EYS: variants seen among roughly 807,000 people sequenced by gnomAD.
EYS encodes the protein EGF-like photoreceptor maintenance factor.
EYS carries 250 observed loss-of-function variants against 282.1 expected under a neutral mutation model. The ratio of observed to expected loss-of-function variants is 0.89; its 90% CI spans 0.80 to 0.98. EYS has a LOEUF of 0.98. Ranked by LOEUF, EYS falls within the 50% of genes least tolerant of loss-of-function variation. The probability of loss-of-function intolerance (pLI) is 0.00; values close to 1 mark genes in which losing one functional copy is unlikely to be tolerated. For synonymous variants in EYS, 1,355 were observed against 1,282.9 expected (o/e 1.06, Z -1.20); for missense variants, 4,016 against 3,709.0 (o/e 1.08, Z -2.15).
At chr6:64,392,999 C>T (rs1773211583) in intron 28 of EYS, among the ~76,000 whole-genome samples, 1 of 152,186 alleles carries the variant, frequency 6.6e-6, no homozygotes, top group African/African-American at 2.4e-5. Flanking sequence ...ACTACAAACA[C>T]CTCTACGCAA....
chr6:64,953,724 G>C (rs1769592340), intron 14 of EYS, among the ~76,000 whole-genome samples: 1 of 151,648 alleles, frequency 6.6e-6, no homozygotes, highest in Non-Finnish European at 1.5e-5. Context: ...TCTATAAAAA[G>C]TTACAAACAC....
At chr6:63,890,335 C>G (rs192729483) in intron 35 of EYS, among the ~76,000 whole-genome samples, 1 of 152,054 alleles carries the variant, frequency 6.6e-6, no homozygotes, top group Admixed American at 6.6e-5. Flanking sequence ...TAAAATTGAC[C>G]ACATAATTGG....
chr6:64,789,900 T>C (rs1311102152), intron 22 of EYS, among the ~76,000 whole-genome samples: 4 of 150,566 alleles, frequency 2.7e-5, no homozygotes. Context: ...TATATATATA[T>C]ATAAATGTCA....
chr6:64,807,985 C>T (rs896886912), intron 22 of EYS, among the ~76,000 whole-genome samples: 6 of 107,830 alleles, frequency 5.6e-5, no homozygotes, highest in Non-Finnish European at 1.3e-4. Flanking sequence ...CTTCTCCCTC[C>T]GTCCTTCCCT....
At chr6:64,794,152 A>G (rs13193208) in intron 22 of EYS, among the ~76,000 whole-genome samples, 1 of 152,176 alleles carries the variant, frequency 6.6e-6, no homozygotes, top group African/African-American at 2.4e-5. Context: ...AAGTTCATCC[A>G]TCTTGTAACA....
chr6:63,727,925 TAAA>T (rs762998819), intron 41 of EYS, among the ~76,000 whole-genome samples: 1 of 135,918 alleles, frequency 7.4e-6, no homozygotes, highest in Non-Finnish European at 1.6e-5. Flanking sequence ...GACCCTGTCG[TAAA>T]AAAAAAAAAT....
intron 1 of EYS, among the ~76,000 whole-genome samples, chr6:65,657,655 T>C (rs1767872735): frequency 1.3e-5 from 2 of 152,002 alleles, no homozygotes; most frequent in South Asian, 2.1e-4. Context: ...ATGTAATCTA[T>C]TCCTGGTGAA....
chr6:64,808,055 C>A (rs1196173394), intron 22 of EYS, among the ~76,000 whole-genome samples: 1 of 150,560 alleles, frequency 6.6e-6, no homozygotes, highest in African/African-American at 2.4e-5. Context: ...TTCCCTTCTT[C>A]CCTTCTTCCC....
intron 12 of EYS, among the ~76,000 whole-genome samples, chr6:65,229,452 G>A (rs1046749004): frequency 1.3e-5 from 2 of 151,758 alleles, no homozygotes; most frequent in African/African-American, 2.4e-5. Flanking sequence ...AAAGCTCTTA[G>A]GACCAAATTG....
At position 65,384,456 on chromosome 6, in the gene EYS, T is replaced by C; in HGVS notation, c.1229A>G (p.Asp410Gly). The C allele has an allele frequency of 6.2e-7, 1 of 1,608,904 alleles. No homozygotes were observed. Among genetic ancestry groups the C allele is most frequent in the Non-Finnish European group, 8.5e-7 (1 of 1,177,034 alleles). ...GTTGATGCTGAGCAGTTTACAGTGGTCAATTGCTTTCTCACAGTTTTTTTC... is the reference window on the plus strand; with the variant it reads ...GTTGATGCTGAGCAGTTTACAGTGGCCAATTGCTTTCTCACAGTTTTTTTC... ...FTEKNCEKAI[D>G]HCKLLSINCL... Residue 410 changes from aspartate to glycine, a missense_variant, in exon 8 of 43, where the codon GAC becomes GGC. Asp to Gly is a moderately conservative substitution (Grantham distance 94, BLOSUM62 -1). Transcript: ENST00000503581.
intron 37 of EYS, among the ~76,000 whole-genome samples, chr6:63,795,892 C>T (rs116253322): frequency 6.6e-5 from 10 of 151,950 alleles, no homozygotes; most frequent in Admixed American, 1.3e-4. Context: ...CAGAACTGTG[C>T]GGCAACCCTG....
At chr6:64,185,866 A>C (rs562022944) in intron 31 of EYS, among the ~76,000 whole-genome samples, 1 of 152,114 alleles carries the variant, frequency 6.6e-6, no homozygotes, top group Non-Finnish European at 1.5e-5. Context: ...AATCCTTACT[A>C]TATGTGGAAA....
At chr6:64,063,499 A>T (rs935549464) in intron 33 of EYS, among the ~76,000 whole-genome samples, 3 of 152,160 alleles carry the variant, frequency 2.0e-5, no homozygotes, top group African/African-American at 7.2e-5. Context: ...ATGTCACTTT[A>T]GTCCAAGCCA....
intron 36 of EYS, among the ~76,000 whole-genome samples, chr6:63,830,822 T>C (rs933459336): frequency 2.6e-5 from 4 of 152,200 alleles, no homozygotes; most frequent in Non-Finnish European, 5.9e-5. Context: ...GAGAGAAAGG[T>C]CAGGTTACCC....
intron 12 of EYS, among the ~76,000 whole-genome samples, chr6:65,104,835 CT>C (rs542528964): frequency 0.01 from 1,544 of 151,626 alleles, 29 homozygotes; most frequent in African/African-American, 0.036. Context: ...GAATGATACA[CT>C]TTTATCATTG....
intron 22 of EYS, among the ~76,000 whole-genome samples, chr6:64,682,114 A>G (rs1471927068): frequency 6.6e-6 from 1 of 152,174 alleles, no homozygotes; most frequent in Non-Finnish European, 1.5e-5. Context: ...AAAAGAATAA[A>G]TTTCTTGGCT....
At chr6:63,904,981 G>A (rs1467287963) in intron 35 of EYS, among the ~76,000 whole-genome samples, 1 of 152,206 alleles carries the variant, frequency 6.6e-6, no homozygotes, top group Non-Finnish European at 1.5e-5. Context: ...TTGTGCAACT[G>A]TCACCACTAT....
intron 40 of EYS, among the ~76,000 whole-genome samples, chr6:63,773,330 G>C (rs756740547): frequency 7.9e-5 from 12 of 152,112 alleles, no homozygotes; most frequent in Non-Finnish European, 1.0e-4. Context: ...ACTCTCTCAA[G>C]GAAGCAACAG....
At chr6:65,095,371 T>G (rs368482093) in intron 12 of EYS, among the ~76,000 whole-genome samples, 1 of 150,966 alleles carries the variant, frequency 6.6e-6, no homozygotes, top group Non-Finnish European at 1.5e-5. Flanking sequence ...ATCCATATAT[T>G]GTATGATTGA....
Sources: gnomAD v4.1 joint callset for allele counts (sites outside exome capture counted in the v4.1 genomes callset) on GRCh38, gnomAD v4.1.1 for gene constraint, MANE v1.5 for transcripts, NCBI Gene and HGNC (gene_info 2026-07-23, HGNC 2026-07-21) for gene names.